Variants in DAB2IP observed in about 807,000 individuals in gnomAD.
DAB2IP encodes DAB2 interacting protein.
A neutral mutation model predicts 107.2 loss-of-function variants in DAB2IP; 28 were observed. That is an observed-to-expected ratio of 0.26 (90% CI 0.19 to 0.36). DAB2IP has a LOEUF of 0.36. Among genes scored for constraint, DAB2IP ranks in the 10% least tolerant of loss-of-function variants. The pLI is 1.00. For synonymous variants in DAB2IP, 755 were observed against 706.4 expected (o/e 1.07, Z -1.09); for missense variants, 1,400 against 1,644.7 (o/e 0.85, Z 2.57).
intron 1 of DAB2IP, among the ~76,000 whole-genome samples, chr9:121,660,319 C>T (rs534737007): frequency 6.6e-6 from 1 of 152,298 alleles, no homozygotes; most frequent in South Asian, 2.1e-4. Context: ...AAGTGACTTG[C>T]TGAGCATCAC....
At chr9:121,656,704 A>G (rs750079329) in intron 1 of DAB2IP, among the ~76,000 whole-genome samples, 11 of 152,124 alleles carry the variant, frequency 7.2e-5, no homozygotes, top group Non-Finnish European at 1.5e-4. Flanking sequence ...ATGCCTGGCA[A>G]TGAGCTCAAC....
intron 1 of DAB2IP, among the ~76,000 whole-genome samples, chr9:121,628,594 G>C (rs1276101734): frequency 6.6e-6 from 1 of 152,198 alleles, no homozygotes; most frequent in African/African-American, 2.4e-5. Context: ...ATCAGGGAAG[G>C]CTTCCCGGAA....
intron 8 of DAB2IP, 56 bp from the exon 9 acceptor site, chr9:121,766,438 T>G (rs991335937): frequency 5.2e-6 from 8 of 1,529,246 alleles, no homozygotes; most frequent in Non-Finnish European, 6.2e-6. Flanking sequence ...CTCTGTGCAC[T>G]CCTGTCCTGG....
At chr9:121,604,070 A>T (rs954903060) in intron 1 of DAB2IP, among the ~76,000 whole-genome samples, 2 of 151,706 alleles carry the variant, frequency 1.3e-5, no homozygotes, top group African/African-American at 4.8e-5. Flanking sequence ...TTGCACCCTG[A>T]TCCTTGCAAG....
In DAB2IP at chr9:121,783,182, C is replaced by G. The variant is rs1028748148; in HGVS notation, c.*684C>G. ...GCACCACCTGCTACCTTCTTCCCTG[C>G]CTTAGTTGTATTGCCAGATAGACCC... On this transcript the variant is annotated 3_prime_UTR_variant, in exon 16 of 16. Transcript: ENST00000408936. The G allele has an allele frequency of 6.1e-5, 66 of 1,090,726 alleles. No individual in the cohort carries two copies. In the Admixed American group the frequency reaches 2.7e-3, roughly 45 times the overall value. The allele number at this position is 1,090,726 out of a possible 1,614,324, so 67.6% of individuals were successfully genotyped here. A position where few individuals can be genotyped will look rare whatever the true frequency, so the allele number is the denominator to read the frequency against.
At chr9:121,745,026 A>G (rs1832626708) in intron 3 of DAB2IP, among the ~76,000 whole-genome samples, 1 of 152,164 alleles carries the variant, frequency 6.6e-6, no homozygotes, top group Admixed American at 6.5e-5. Flanking sequence ...TTGCTTTCTC[A>G]GTTGGAATCC....
intron 1 of DAB2IP, among the ~76,000 whole-genome samples, chr9:121,670,169 C>T (rs1833618524): frequency 6.6e-6 from 1 of 152,240 alleles, no homozygotes; most frequent in African/African-American, 2.4e-5. Flanking sequence ...TGGAATCATA[C>T]ACTATGTGAC....
chr9:121,651,882 G>A lies in DAB2IP; in HGVS notation c.107G>A (p.Arg36Gln), dbSNP rs1832757846. ...CGACAGAGGAGCCGCTCCCGCAGCC[G>A]GACCCGGCCTGCCAGGGGTAGGCGC... The change falls in exon 1 of 16, where the codon CGG (arginine) becomes CAG (glutamine). Residue 36 changes from arginine to glutamine, a missense_variant. Coordinates refer to ENST00000408936, the Ensembl canonical transcript of DAB2IP. The surrounding 1 kb of genome is among the most constrained non-coding windows in gnomAD (Gnocchi z 5.1). 2 of 1,427,280 alleles carry A rather than the reference G, an allele frequency of 1.4e-6. No homozygotes were observed. Among genetic ancestry groups the A allele is most frequent in the Admixed American group, 2.4e-5 (1 of 42,534 alleles). 88.4% of individuals were successfully genotyped at this position (1,427,280 alleles called of 1,614,324 possible).
rs1459014816 is a variant in DAB2IP at position 121,599,419 on chromosome 9, C to G, written c.40+32191C>G. Among the ~76,000 whole-genome samples, 1 of 152,060 alleles carries G rather than the reference C, an allele frequency of 6.6e-6. No homozygotes were observed. ...GGTCGATTGACCAAACAGGTGCGCCCCCGCCCCTCTGCTCCCCGCCCGCGC... is the reference window on the plus strand; with the variant it reads ...GGTCGATTGACCAAACAGGTGCGCCGCCGCCCCTCTGCTCCCCGCCCGCGC... On this transcript the variant is annotated intron_variant, in intron 1 of 16. Coordinates refer to the DAB2IP transcript ENST00000259371. The surrounding 1 kb of genome is among the most constrained non-coding windows in gnomAD (Gnocchi z 6.9).
At chr9:121,742,225 T>C (rs1238020054) in intron 3 of DAB2IP, among the ~76,000 whole-genome samples, 1 of 152,142 alleles carries the variant, frequency 6.6e-6, no homozygotes, top group East Asian at 1.9e-4. Context: ...GTCAGGAATT[T>C]GAAACCAGCC....
chr9:121,573,230 C>T (rs1829990561), intron 1 of DAB2IP, among the ~76,000 whole-genome samples: 1 of 151,952 alleles, frequency 6.6e-6, no homozygotes, highest in African/African-American at 2.4e-5. Context: ...GCATGCGTCA[C>T]CAAGCCTGGC....
At chr9:121,590,236 T>C (rs879290677) in intron 1 of DAB2IP, among the ~76,000 whole-genome samples, 6 of 150,110 alleles carry the variant, frequency 4.0e-5, no homozygotes, top group Non-Finnish European at 4.4e-5. Context: ...GTGACCGTCA[T>C]GCCCCACACG....
intron 3 of DAB2IP, among the ~76,000 whole-genome samples, chr9:121,738,906 G>A (rs1055718840): frequency 6.6e-6 from 1 of 152,220 alleles, no homozygotes; most frequent in African/African-American, 2.4e-5. Flanking sequence ...CCTTGTGATG[G>A]GAGAGGCAGA....
intron 2 of DAB2IP, among the ~76,000 whole-genome samples, chr9:121,691,857 C>T (rs1021213387): frequency 3.3e-5 from 5 of 152,200 alleles, no homozygotes; most frequent in Non-Finnish European, 5.9e-5. Flanking sequence ...TTCAGCTGTA[C>T]TGATGGGCAG....
At chr9:121,587,642 A>AGAGGG (rs1830337030) in intron 1 of DAB2IP, among the ~76,000 whole-genome samples, 1 of 150,200 alleles carries the variant, frequency 6.7e-6, no homozygotes, top group African/African-American at 2.4e-5. Context: ...AATAGGGTTG[A>AGAGGG]GAGGGTAGCC....
intron 3 of DAB2IP, among the ~76,000 whole-genome samples, chr9:121,753,716 C>T (rs1385349077): frequency 3.3e-5 from 5 of 152,212 alleles, no homozygotes; most frequent in Non-Finnish European, 5.9e-5. Flanking sequence ...AAGTGACCAG[C>T]TGGGCGCTCA....
intron 3 of DAB2IP, among the ~76,000 whole-genome samples, chr9:121,705,812 C>T (rs967915931): frequency 2.6e-5 from 4 of 152,220 alleles, no homozygotes; most frequent in Admixed American, 6.5e-5. Context: ...CTCCAGGTAG[C>T]CCTGCCTATT....
At chr9:121,685,113 G>A (rs1468506082) in intron 2 of DAB2IP, among the ~76,000 whole-genome samples, 2 of 152,144 alleles carry the variant, frequency 1.3e-5, no homozygotes, top group Non-Finnish European at 2.9e-5. Flanking sequence ...TGGGCGGGGT[G>A]GTGGAAGAGC....
intron 3 of DAB2IP, among the ~76,000 whole-genome samples, chr9:121,735,926 C>G: frequency 6.6e-6 from 1 of 152,318 alleles, no homozygotes; most frequent in Non-Finnish European, 1.5e-5. Flanking sequence ...TGGGCGCAAT[C>G]GGGAACCTGG....
Sources: gnomAD v4.1 joint callset for allele counts (sites outside exome capture counted in the v4.1 genomes callset) on GRCh38, gnomAD v4.1.1 for gene constraint, Gnocchi (gnomAD v3.1) non-coding constraint, MANE v1.5 for transcripts, NCBI Gene and HGNC (gene_info 2026-07-23, HGNC 2026-07-21) for gene names.